The following SPATA6L variants were observed in gnomAD, a reference collection of about 807,000 sequenced individuals.
SPATA6L encodes the protein spermatogenesis associated 6 like.
SPATA6L carries 68 observed loss-of-function variants against 49.2 expected under a neutral mutation model. That is an observed-to-expected ratio of 1.38 (90% CI 1.14 to 1.69). The LOEUF (loss-of-function observed/expected upper bound fraction) is 1.69. SPATA6L is among the 40% of genes most tolerant of loss of function. The probability of loss-of-function intolerance (pLI) is 0.00; values close to 1 mark genes in which losing one functional copy is unlikely to be tolerated. For missense variants in SPATA6L, 668 were observed against 464.3 expected (o/e 1.44, Z -4.03); for synonymous variants, 198 against 165.7 (o/e 1.19, Z -1.50).
rs756794555 is a variant in SPATA6L, at chr9:4,629,174, A to G, written c.352-6T>C. 4 of 1,586,806 alleles carry G rather than the reference A, an allele frequency of 2.5e-6. No homozygotes were observed. The African/African-American group carries it at 5.5e-5, about 22-fold the overall frequency. ...TCTATTTTGGGAGCAATGCCCTATAAAACAGCATAAAAAAAGCAAATAAAA... is the reference window on the plus strand; with the variant it reads ...TCTATTTTGGGAGCAATGCCCTATAGAACAGCATAAAAAAAGCAAATAAAA... On this transcript the variant is annotated splice_polypyrimidine_tract_variant and splice_region_variant and intron_variant, in intron 4 of 11. Coordinates refer to ENST00000682582, the MANE Select transcript of SPATA6L (RefSeq NM_001353486.2).
chr9:4,660,293 G>GTTAATA, intron 2 of SPATA6L, among the ~76,000 whole-genome samples: 1 of 152,238 alleles, frequency 6.6e-6, no homozygotes, highest in South Asian at 2.1e-4. Context: ...TGACAAAAGG[G>GTTAATA]TTAATATCCA....
At chr9:4,608,972 C>T (rs370327258) in intron 9 of SPATA6L, among the ~76,000 whole-genome samples, 10 of 151,764 alleles carry the variant, frequency 6.6e-5, no homozygotes, top group African/African-American at 1.9e-4. Context: ...ATATCACCAC[C>T]GATCCCACAG....
At chr9:4,655,440 T>C (rs1036830201) in intron 3 of SPATA6L, among the ~76,000 whole-genome samples, 1 of 152,200 alleles carries the variant, frequency 6.6e-6, no homozygotes, top group Admixed American at 6.5e-5. Flanking sequence ...TTTGTGGTGA[T>C]AAAAATATTC....
intron 9 of SPATA6L, among the ~76,000 whole-genome samples, chr9:4,609,900 T>A (rs1035938007): frequency 6.6e-6 from 1 of 152,032 alleles, no homozygotes; most frequent in Non-Finnish European, 1.5e-5. Flanking sequence ...GAAAACCCCA[T>A]TGTCTCAGCC....
At chr9:4,635,505 A>G (rs1832617525) in intron 3 of SPATA6L, 106 bp from the exon 4 acceptor site, 4 of 1,087,876 alleles carry the variant, frequency 3.7e-6, no homozygotes, top group African/African-American at 3.3e-5. Flanking sequence ...AGGTAAAAAT[A>G]GACATATTGA....
intron 3 of SPATA6L, among the ~76,000 whole-genome samples, chr9:4,654,670 C>T (rs1837694614): frequency 6.6e-6 from 1 of 152,144 alleles, no homozygotes; most frequent in South Asian, 2.1e-4. Flanking sequence ...AGATGGTTTT[C>T]CCCTGGAGTT....
chr9:4,653,071 G>T (rs1321435075), intron 3 of SPATA6L, among the ~76,000 whole-genome samples: 3 of 152,062 alleles, frequency 2.0e-5, no homozygotes, highest in Admixed American at 6.6e-5. Context: ...TCTTGAAAAA[G>T]AAAAACTAAG....
intron 3 of SPATA6L, among the ~76,000 whole-genome samples, chr9:4,641,640 G>T (rs1314135258): frequency 6.6e-6 from 1 of 152,178 alleles, no homozygotes; most frequent in African/African-American, 2.4e-5. Context: ...CCAAATTCAT[G>T]GATGTGGAAC....
chr9:4,651,253 T>C (rs1035561575), intron 3 of SPATA6L, among the ~76,000 whole-genome samples: 4 of 152,090 alleles, frequency 2.6e-5, no homozygotes, highest in Non-Finnish European at 4.4e-5. Flanking sequence ...TGCCAATGAA[T>C]TAGATAAATG....
downstream of SPATA6L, among the ~76,000 whole-genome samples, chr9:4,594,067 C>G (rs1249958713): frequency 2.0e-5 from 3 of 152,190 alleles, no homozygotes; most frequent in Non-Finnish European, 4.4e-5. Flanking sequence ...GATCTCCAAG[C>G]CAAACCTCAG....
In SPATA6L at chr9:4,627,953, G is replaced by T. The variant is rs148423189; in HGVS notation, c.429+1138C>A. On this transcript the variant is annotated intron_variant, in intron 5 of 11. Coordinates refer to ENST00000682582, the MANE Select transcript of SPATA6L (RefSeq NM_001353486.2). ...ATTATTTTTTATGTCTTGCAACAAC[G>T]TGGATGGAAGTTGAGGCCATTATAT... The T allele has an allele frequency of 1.2e-3, 564 of 487,734 alleles. 6 individuals are homozygous for T. The Admixed American group carries it at 0.016, about 13-fold the overall frequency. 30.2% of individuals were successfully genotyped at this position (487,734 alleles called of 1,614,324 possible). A position where few individuals can be genotyped will look rare whatever the true frequency, so the allele number is the denominator to read the frequency against.
chr9:4,663,437 A>G, intron 1 of SPATA6L: 1 of 697,562 alleles, frequency 1.4e-6, no homozygotes, highest in South Asian at 2.0e-5. Context: ...ACTGGCCATT[A>G]CTGAACACAG....
In SPATA6L at chr9:4,598,839, G is replaced by C. The variant is rs1406514678; in HGVS notation, c.*1972C>G. On this transcript the variant is annotated 3_prime_UTR_variant, in exon 12 of 12. Coordinates refer to ENST00000682582, the MANE Select transcript of SPATA6L (RefSeq NM_001353486.2). ...CAACAAATTGACAACCATAGTTTCA[G>C]AGAGACTGAGAACATATTAGCATAT... 2.0e-4 allele frequency among the ~76,000 whole-genome samples: 30 copies of C among 152,212 alleles called. No individual in the cohort carries two copies. The highest frequency in any genetic ancestry group is 2.0e-3 in the Admixed American group (30 of 15,282).
intron 3 of SPATA6L, among the ~76,000 whole-genome samples, chr9:4,647,220 C>T (rs1835598635): frequency 6.6e-6 from 1 of 152,132 alleles, no homozygotes; most frequent in Non-Finnish European, 1.5e-5. Flanking sequence ...TCAAAATCCA[C>T]TTGTTATCCA....
intron 10 of SPATA6L, among the ~76,000 whole-genome samples, chr9:4,604,526 A>G (rs781396761): frequency 1.6e-4 from 24 of 152,162 alleles, no homozygotes; most frequent in Non-Finnish European, 3.1e-4. Flanking sequence ...AGGATTATAG[A>G]TTTGAGCCCC....
At chr9:4,602,228 T>C (rs999915030) in intron 11 of SPATA6L, among the ~76,000 whole-genome samples, 3 of 152,188 alleles carry the variant, frequency 2.0e-5, no homozygotes, top group African/African-American at 7.2e-5. Context: ...TAACTTGATA[T>C]TACCCATGTT....
At chr9:4,661,856 G>C in intron 2 of SPATA6L, 43 bp downstream of exon 2, 1 of 1,606,028 alleles carries the variant, frequency 6.2e-7, no homozygotes, top group East Asian at 2.2e-5. Flanking sequence ...GAACTCTCAG[G>C]TTATCTTCAG....
At chr9:4,661,750 C>A (rs1017585987) in intron 2 of SPATA6L, 149 bp downstream of exon 2, 1 of 940,118 alleles carries the variant, frequency 1.1e-6, no homozygotes, top group African/African-American at 3.0e-5. Flanking sequence ...AGCAAGTGTT[C>A]CGACTGCGGT....
intron 11 of SPATA6L, among the ~76,000 whole-genome samples, chr9:4,603,690 C>T (rs1823942813): frequency 6.6e-6 from 1 of 151,880 alleles, no homozygotes; most frequent in Non-Finnish European, 1.5e-5. Flanking sequence ...AACAATCAGC[C>T]CAGATAAAAA....
Sources: allele counts gnomAD v4.1 joint callset (sites outside exome capture counted in the v4.1 genomes callset), GRCh38; gene constraint gnomAD v4.1.1; transcripts MANE v1.5; gene names NCBI Gene and HGNC (gene_info 2026-07-23, HGNC 2026-07-21).